Variants in MYO1F observed in about 807,000 individuals in gnomAD.
MYO1F encodes the protein unconventional myosin-If.
A neutral mutation model predicts 146.6 loss-of-function variants in MYO1F; 60 were observed. The observed-to-expected ratio is 0.41, with a 90% CI of 0.33 to 0.51. MYO1F has a LOEUF of 0.51. Among genes scored for constraint, MYO1F ranks in the 20% least tolerant of loss-of-function variants. MYO1F has a pLI of 0.25. For missense variants in MYO1F, 1,274 were observed against 1,534.3 expected, an observed-to-expected ratio of 0.83 and a Z score of 2.83; for synonymous variants, 602 against 602.1, an observed-to-expected ratio of 1.00 and a Z score of 0.00.
chr19:8,551,910 G>T (rs200155068), intron 7 of MYO1F, 36 bp from the exon 8 acceptor site: 2 of 1,613,842 alleles, frequency 1.2e-6, no homozygotes, highest in Admixed American at 3.3e-5. Context: ...TCTGGTGCTT[G>T]CCTGGCTCAG....
At chr19:8,565,083 A>T (rs988194014) in intron 1 of MYO1F, among the ~76,000 whole-genome samples, 1 of 151,264 alleles carries the variant, frequency 6.6e-6, no homozygotes, top group African/African-American at 2.4e-5. Context: ...AGAGACAGGG[A>T]TTTCACCATG....
rs1972449493 is a variant in MYO1F at position 8,530,658 on chromosome 19, C to G, written c.2044-85G>C. On this transcript the variant is annotated intron_variant, in intron 19 of 27. Coordinates refer to ENST00000644032, the MANE Select transcript of MYO1F (RefSeq NM_012335.4). The surrounding 1 kb of genome is among the most constrained non-coding windows in gnomAD (Gnocchi z 5.8). Reference sequence around the variant, plus strand: ...CCGGGTTTTCCCTGCGCTCACCCTACTCACACGCTTTTGCTCACCCATCCC... The same window carrying G: ...CCGGGTTTTCCCTGCGCTCACCCTAGTCACACGCTTTTGCTCACCCATCCC... 9.1e-7 allele frequency: 1 copy of G among 1,096,248 alleles called. No homozygotes were observed. The highest frequency in any genetic ancestry group is 1.4e-6 in the Non-Finnish European group (1 of 723,858). 67.9% of individuals were successfully genotyped at this position (1,096,248 alleles called of 1,614,324 possible).
At chr19:8,537,164 T>C (rs548129513) in intron 16 of MYO1F, 109 bp from the exon 17 acceptor site, 56 of 760,296 alleles carry the variant, frequency 7.4e-5, no homozygotes, top group Non-Finnish European at 1.0e-4. Context: ...TGGGGGTGGG[T>C]GAGGGCTGGT....
Position 8,540,005 on chromosome 19 carries a change from G to A in MYO1F, c.1634C>T (p.Pro545Leu). 2 of 1,612,208 alleles carry A rather than the reference G, an allele frequency of 1.2e-6. No individual in the cohort carries two copies. The highest frequency in any genetic ancestry group is 1.7e-6 in the Non-Finnish European group (2 of 1,178,890). The part of the protein sequence containing the change: ...SEQAFLRMLF[P>L]EKLDGDKKGR... ...CTTCTTGTCTCCATCCAGCTTCTCG[G>A]GGAAGAGCATCCGGAGGAAGGCCCT... Residue 545 changes from proline (P) to leucine (L), a missense_variant, in exon 16 of 28, where the codon CCC (proline) becomes CTC (leucine). This residue lies in a region of MYO1F where 900 missense variants were observed against 1,155.1 expected (regional missense o/e 0.78). Coordinates refer to ENST00000644032, the MANE Select transcript of MYO1F (RefSeq NM_012335.4).
chr19:8,551,708 G>A (rs1301492230), intron 8 of MYO1F, 32 bp downstream of exon 8: 3 of 1,613,968 alleles, frequency 1.9e-6, no homozygotes, highest in Non-Finnish European at 2.5e-6. Context: ...AGGTCTGCCT[G>A]GCCGGGGACT....
Position 8,521,351 on chromosome 19 carries a change from G to T in MYO1F, c.*177C>A, listed in dbSNP as rs944979165. The T allele has an allele frequency of 5.0e-5, 34 of 678,092 alleles. No homozygotes were observed. The highest frequency in any genetic ancestry group is 7.0e-5 in the Non-Finnish European group (26 of 373,902). 42.0% of individuals were successfully genotyped at this position (678,092 alleles called of 1,614,324 possible). A position where few individuals can be genotyped will look rare whatever the true frequency, so the allele number is the denominator to read the frequency against. On this transcript the variant is annotated 3_prime_UTR_variant, in exon 28 of 28. Coordinates refer to ENST00000644032, the MANE Select transcript of MYO1F (RefSeq NM_012335.4). ...GGAGGAAGACCAGGGCCCAGGGGCG[G>T]GGGCTGCAGCAGTGACCTGGTGACC...
At chr19:8,556,276 C>T (rs374314114) in intron 1 of MYO1F, among the ~76,000 whole-genome samples, 7 of 150,902 alleles carry the variant, frequency 4.6e-5, no homozygotes, top group Admixed American at 1.3e-4. Context: ...GTGATCCACC[C>T]GCCTCAGGCT....
chr19:8,554,815 C>G (rs1568362640), intron 2 of MYO1F, 72 bp from the exon 3 acceptor site: 3 of 1,342,724 alleles, frequency 2.2e-6, no homozygotes, highest in Non-Finnish European at 3.2e-6. Flanking sequence ...CCTGCCCCCA[C>G]CCAGGGCTTC....
At chr19:8,522,606 C>G (rs1410531715) in intron 26 of MYO1F, 28 bp downstream of exon 26, 1 of 1,609,748 alleles carries the variant, frequency 6.2e-7, no homozygotes, top group African/African-American at 1.3e-5. Context: ...CTGCCCACCT[C>G]CTGGAGCTGC....
chr19:8,526,762 A>G, intron 23 of MYO1F, 27 bp downstream of exon 23: 1 of 1,591,142 alleles, frequency 6.3e-7, no homozygotes, highest in African/African-American at 1.3e-5. Flanking sequence ...CCACCCCGAG[A>G]TGGTGCTGGG....
intron 25 of MYO1F, among the ~76,000 whole-genome samples, chr19:8,524,970 G>A (rs553682754): frequency 2.6e-5 from 4 of 152,150 alleles, no homozygotes; most frequent in African/African-American, 4.8e-5. Flanking sequence ...GGCCGAGACG[G>A]GCGGGTCACC....
chr19:8,560,101 T>TA, intron 1 of MYO1F, among the ~76,000 whole-genome samples: 2 of 152,070 alleles, frequency 1.3e-5, no homozygotes, highest in South Asian at 4.2e-4. Context: ...GCTGGAGAAG[T>TA]ACAGCAGCTT....
intron 12 of MYO1F, among the ~76,000 whole-genome samples, chr19:8,546,380 G>A (rs1973358139): frequency 6.7e-6 from 1 of 149,634 alleles, no homozygotes; most frequent in Non-Finnish European, 1.5e-5. Context: ...TTTTTTTTGA[G>A]ACCGGGTTTT....
chr19:8,533,645 A>G (rs1402991780), intron 19 of MYO1F, among the ~76,000 whole-genome samples: 3 of 152,182 alleles, frequency 2.0e-5, no homozygotes, highest in Non-Finnish European at 4.4e-5. Flanking sequence ...GGCGTGAGCC[A>G]GCACGCTTAG....
At chr19:8,536,643 A>T in intron 17 of MYO1F, 46 bp from the exon 18 acceptor site, 1 of 189,438 alleles carries the variant, frequency 5.3e-6, no homozygotes, top group Non-Finnish European at 1.0e-5. Flanking sequence ...GGGAGTCACC[A>T]GTCCTGGGGG....
At chr19:8,572,872 G>A (rs184517225) in intron 1 of MYO1F, among the ~76,000 whole-genome samples, 7 of 151,870 alleles carry the variant, frequency 4.6e-5, no homozygotes, top group Admixed American at 3.9e-4. Context: ...ACTTTTAAAT[G>A]CTTTGTAGAG....
chr19:8,561,497 T>TTTCTTCTCTCTCA, intron 1 of MYO1F, among the ~76,000 whole-genome samples: 1 of 145,578 alleles, frequency 6.9e-6, no homozygotes, highest in East Asian at 2.1e-4. Context: ...TTTCGTTCTC[T>TTTCTTCTCTCTCA]TTCTTCTCTC....
chr19:8,547,808 C>T (rs1568354654), intron 12 of MYO1F: 1 of 547,990 alleles, frequency 1.8e-6, no homozygotes, highest in Non-Finnish European at 3.3e-6. Context: ...TGGCACACAA[C>T]AGGTGCTCAA....
In MYO1F at chr19:8,554,577, A is replaced by G. The variant is rs2913925; in HGVS notation, c.232-6T>C. 0.14 allele frequency: 220,625 copies of G among 1,611,534 alleles called. 16,105 individuals are homozygous for G. The highest frequency in any genetic ancestry group is 0.2 in the African/African-American group (15,167 of 74,872). ...GGGGGATTCTCATACTGGGCCTGGCAGGGGAGGTCAGGTCTCAGCCCAGGG... is the reference window on the plus strand; with the variant it reads ...GGGGGATTCTCATACTGGGCCTGGCGGGGGAGGTCAGGTCTCAGCCCAGGG... On this transcript the variant is annotated splice_region_variant and splice_polypyrimidine_tract_variant and intron_variant, in intron 3 of 27. Transcript: ENST00000644032.
Sources: gnomAD v4.1 joint callset for allele counts (sites outside exome capture counted in the v4.1 genomes callset) on GRCh38, gnomAD v4.1.1 for gene constraint, gnomAD v4.1.1 regional missense constraint, Gnocchi (gnomAD v3.1) non-coding constraint, MANE v1.5 for transcripts, NCBI Gene and HGNC (gene_info 2026-07-23, HGNC 2026-07-21) for gene names.